EGFLAM: variants seen among roughly 807,000 people sequenced by gnomAD.
EGFLAM encodes the protein EGF like, fibronectin type III and laminin G domains.
A neutral mutation model predicts 113.1 loss-of-function variants in EGFLAM; 79 were observed. That is an observed-to-expected ratio of 0.70 (90% CI 0.58 to 0.84). The LOEUF (loss-of-function observed/expected upper bound fraction) is 0.84, where lower values mean the gene tolerates loss of function less well. Among genes scored for constraint, EGFLAM ranks in the 40% least tolerant of loss-of-function variants. The pLI is 0.00. For missense variants in EGFLAM, 1,265 were observed against 1,291.6 expected (o/e 0.98, Z 0.32); for synonymous variants, 504 against 487.6 (o/e 1.03, Z -0.44).
intron 20 of EGFLAM, among the ~76,000 whole-genome samples, chr5:38,462,392 G>A (rs529063798): frequency 9.9e-5 from 15 of 152,226 alleles, no homozygotes; most frequent in Admixed American, 8.5e-4. Flanking sequence ...CCTTACAAGC[G>A]GTTGACCGTT....
intron 5 of EGFLAM, among the ~76,000 whole-genome samples, chr5:38,359,959 G>A (rs947655661): frequency 3.3e-5 from 5 of 151,958 alleles, no homozygotes; most frequent in African/African-American, 9.7e-5. Context: ...CCTACATATT[G>A]GTTTCATTTG....
chr5:38,376,853 T>A (rs1362396982), intron 6 of EGFLAM, among the ~76,000 whole-genome samples: 1 of 152,152 alleles, frequency 6.6e-6, no homozygotes, highest in Non-Finnish European at 1.5e-5. Flanking sequence ...GTATTTTTTG[T>A]AGAGACAAGG....
intron 6 of EGFLAM, among the ~76,000 whole-genome samples, chr5:38,385,466 G>A (rs1740636802): frequency 6.6e-6 from 1 of 151,932 alleles, no homozygotes; most frequent in African/African-American, 2.4e-5. Flanking sequence ...TTTATATACT[G>A]TATTGTTTAG....
At chr5:38,436,440 G>C (rs2914347) in intron 16 of EGFLAM, among the ~76,000 whole-genome samples, 27,059 of 152,038 alleles carry the variant, frequency 0.18, 3,176 homozygotes, top group African/African-American at 0.34. Flanking sequence ...ATTTTATCTC[G>C]CATCGCAGTG....
chr5:38,378,691 C>A (rs949935995), intron 6 of EGFLAM, among the ~76,000 whole-genome samples: 1 of 152,292 alleles, frequency 6.6e-6, no homozygotes, highest in East Asian at 1.9e-4. Context: ...TACCTTTGAA[C>A]AGAGCAGAAT....
chr5:38,422,086 T>C (rs1305739825), intron 12 of EGFLAM, among the ~76,000 whole-genome samples: 1 of 151,862 alleles, frequency 6.6e-6, no homozygotes, highest in Non-Finnish European at 1.5e-5. Context: ...GGACTAGGGG[T>C]TGGGGACAGG....
chr5:38,431,557 C>T (rs1199377545), intron 15 of EGFLAM, among the ~76,000 whole-genome samples: 1 of 152,182 alleles, frequency 6.6e-6, no homozygotes, highest in Non-Finnish European at 1.5e-5. Context: ...TTGCCTTTCA[C>T]CTCTTCGCCT....
At chr5:38,325,202 G>A (rs564305040) in intron 1 of EGFLAM, among the ~76,000 whole-genome samples, 1 of 152,138 alleles carries the variant, frequency 6.6e-6, no homozygotes, top group East Asian at 1.9e-4. Context: ...GGAGGGGAGA[G>A]GAAGAAATTC....
At chr5:38,411,308 G>A (rs1403794623) in intron 10 of EGFLAM, among the ~76,000 whole-genome samples, 4 of 151,856 alleles carry the variant, frequency 2.6e-5, no homozygotes, top group East Asian at 2.0e-4. Flanking sequence ...TGCGCCTGTA[G>A]TCCCAGCTAC....
chr5:38,354,375 T>C (rs1024818049), intron 5 of EGFLAM, among the ~76,000 whole-genome samples: 1 of 152,168 alleles, frequency 6.6e-6, no homozygotes, highest in Non-Finnish European at 1.5e-5. Context: ...ATAATTTACT[T>C]CCACAGATAC....
intron 1 of EGFLAM, among the ~76,000 whole-genome samples, chr5:38,282,759 T>C (rs183216432): frequency 9.9e-5 from 15 of 152,216 alleles, no homozygotes; most frequent in East Asian, 3.8e-4. Flanking sequence ...GTATATATCA[T>C]GGGAAGAAGG....
At chr5:38,353,627 A>G (rs921566228) in intron 5 of EGFLAM, among the ~76,000 whole-genome samples, 11 of 152,210 alleles carry the variant, frequency 7.2e-5, no homozygotes, top group Non-Finnish European at 1.3e-4. Context: ...TTCACACAGG[A>G]CTTGGTAAAT....
intron 15 of EGFLAM, among the ~76,000 whole-genome samples, chr5:38,433,473 G>A (rs999554553): frequency 2.6e-5 from 4 of 152,184 alleles, no homozygotes; most frequent in African/African-American, 9.7e-5. Flanking sequence ...CCTGGCTTTG[G>A]TGGGATATGT....
chr5:38,406,797 A>AT (rs1741300141), intron 7 of EGFLAM, 31 bp from the exon 8 acceptor site: 1 of 1,595,492 alleles, frequency 6.3e-7, no homozygotes, highest in South Asian at 1.1e-5. Flanking sequence ...CTCTGTGTTC[A>AT]TCTTGAACCC....
intron 6 of EGFLAM, among the ~76,000 whole-genome samples, chr5:38,391,424 G>C (rs2112087910): frequency 6.6e-6 from 1 of 151,540 alleles, no homozygotes; most frequent in East Asian, 1.9e-4. Context: ...GTGTGATGGA[G>C]TCTCACTCTG....
chr5:38,375,183 T>C (rs1740333934), intron 6 of EGFLAM, among the ~76,000 whole-genome samples: 2 of 151,606 alleles, frequency 1.3e-5, no homozygotes, highest in Admixed American at 1.3e-4. Context: ...CATACAGAAA[T>C]GTGGGTAAAA....
chr5:38,258,909 G>A, intron 1 of EGFLAM, 58 bp downstream of exon 1: 1 of 1,545,958 alleles, frequency 6.5e-7, no homozygotes. Flanking sequence ...TGGGCTCCGG[G>A]GCGAGGACAC....
At chr5:38,460,897 T>C (rs1418970008) in intron 20 of EGFLAM, 1 of 152,250 alleles carries the variant, frequency 6.6e-6, no homozygotes, top group Admixed American at 6.5e-5. Flanking sequence ...GGCATCCTGC[T>C]CTTGCAGGCA....
intron 17 of EGFLAM, among the ~76,000 whole-genome samples, chr5:38,440,458 G>A (rs927316047): frequency 1.3e-5 from 2 of 152,232 alleles, no homozygotes; most frequent in African/African-American, 2.4e-5. Context: ...TTGCCATGCC[G>A]ACTGCTCTAA....
Sources: gnomAD v4.1 joint callset for allele counts (sites outside exome capture counted in the v4.1 genomes callset) on GRCh38, gnomAD v4.1.1 for gene constraint, MANE v1.5 for transcripts, NCBI Gene and HGNC (gene_info 2026-07-23, HGNC 2026-07-21) for gene names.